The following TRHDE variants were observed in gnomAD, a reference collection of about 807,000 sequenced individuals.
TRHDE encodes thyrotropin-releasing hormone-degrading ectoenzyme.
In TRHDE, 72 loss-of-function variants were observed where a neutral mutation model predicts 125.7. The ratio of observed to expected loss-of-function variants is 0.57; its 90% CI spans 0.47 to 0.70. The LOEUF (loss-of-function observed/expected upper bound fraction) is 0.70. Ranked by LOEUF, TRHDE falls within the 30% of genes least tolerant of loss-of-function variation. The pLI is 0.00. For synonymous variants in TRHDE, 509 were observed against 509.1 expected (o/e 1.00, Z 0.00); for missense variants, 1,110 against 1,327.1 (o/e 0.84, Z 2.54).
Position 72,118,790 on chromosome 12 carries a change from G to A in TRHDE, n.279+13038G>A, listed in dbSNP as rs570770127. ...GGTTCAGTTTCAGTAGGTTGTATGT[G>A]TCTAGAAATCCATTTCTTCTAGGTT... On this transcript the variant is annotated intron_variant and non_coding_transcript_variant, in intron 2 of 4. Transcript: ENST00000548156. Among the ~76,000 whole-genome samples the A allele has an allele frequency of 2.0e-5, 3 of 152,158 alleles. No individual in the cohort carries two copies. In the South Asian group the frequency reaches 6.2e-4, roughly 32 times the overall value.
intron 2 of TRHDE, among the ~76,000 whole-genome samples, chr12:72,194,521 T>C (rs1157212512): frequency 6.6e-6 from 1 of 152,100 alleles, no homozygotes; most frequent in Non-Finnish European, 1.5e-5. Flanking sequence ...CCAATAGTTT[T>C]TCAAATCTTT....
intron 2 of TRHDE, among the ~76,000 whole-genome samples, chr12:72,313,655 A>G (rs1868653323): frequency 6.6e-6 from 1 of 152,226 alleles, no homozygotes; most frequent in African/African-American, 2.4e-5. Context: ...TAATCTTAAC[A>G]AAGTATGGAA....
At chr12:72,224,174 C>G (rs373716462) in intron 2 of TRHDE, among the ~76,000 whole-genome samples, 374 of 105,016 alleles carry the variant, frequency 3.6e-3, no homozygotes, top group South Asian at 9.6e-3. Flanking sequence ...ATGTATCTAT[C>G]TATCTATCTA....
At chr12:72,281,380 C>G (rs1218098818) in intron 1 of TRHDE, among the ~76,000 whole-genome samples, 2 of 152,124 alleles carry the variant, frequency 1.3e-5, no homozygotes, top group African/African-American at 4.8e-5. Flanking sequence ...TTAAATGGGA[C>G]ACGTGTAACT....
At chr12:72,541,854 T>G (rs963613579) in intron 6 of TRHDE, among the ~76,000 whole-genome samples, 1 of 151,480 alleles carries the variant, frequency 6.6e-6, no homozygotes, top group African/African-American at 2.4e-5. Flanking sequence ...TAAACTTTTC[T>G]TGGTTAAGGA....
At chr12:72,296,515 T>C (rs982831490) in intron 2 of TRHDE, among the ~76,000 whole-genome samples, 1 of 151,904 alleles carries the variant, frequency 6.6e-6, no homozygotes, top group African/African-American at 2.4e-5. Flanking sequence ...CTGAGTATTG[T>C]TGATTTGTTA....
At chr12:72,401,214 T>G (rs1873029924) in intron 3 of TRHDE, among the ~76,000 whole-genome samples, 1 of 152,166 alleles carries the variant, frequency 6.6e-6, no homozygotes, top group African/African-American at 2.4e-5. Context: ...CTTTCTCAAT[T>G]TCTCATTAAG....
At chr12:72,426,901 C>T (rs1055191387) in intron 3 of TRHDE, among the ~76,000 whole-genome samples, 2 of 151,880 alleles carry the variant, frequency 1.3e-5, no homozygotes, top group Non-Finnish European at 2.9e-5. Context: ...ACTTTTTTCT[C>T]CATGAAAAGA....
At chr12:72,141,215 G>A (rs1566242100) in intron 2 of TRHDE, among the ~76,000 whole-genome samples, 1 of 152,084 alleles carries the variant, frequency 6.6e-6, no homozygotes, top group South Asian at 2.1e-4. Flanking sequence ...TGAATAAAAT[G>A]CTATTTTTTT....
At chr12:72,539,096 C>T (rs981739256) in intron 6 of TRHDE, among the ~76,000 whole-genome samples, 9 of 151,862 alleles carry the variant, frequency 5.9e-5, no homozygotes, top group African/African-American at 2.2e-4. Context: ...TCATGGAACC[C>T]TTATCCATCC....
At chr12:72,549,568 A>C (rs1358341894) in intron 7 of TRHDE, among the ~76,000 whole-genome samples, 3 of 151,868 alleles carry the variant, frequency 2.0e-5, no homozygotes, top group Non-Finnish European at 4.4e-5. Flanking sequence ...TAATAACTTG[A>C]AAATAATTTG....
intron 2 of TRHDE, among the ~76,000 whole-genome samples, chr12:72,368,048 C>T (rs1715884689): frequency 6.6e-6 from 1 of 152,112 alleles, no homozygotes; most frequent in Non-Finnish European, 1.5e-5. Context: ...TGTGGTATAA[C>T]TATACACTGT....
Position 72,653,111 on chromosome 12 carries a change from T to G in TRHDE, c.2939T>G (p.Leu980Arg), listed in dbSNP as rs1180013059. 6.2e-7 allele frequency: 1 copy of G among 1,609,704 alleles called. No individual in the cohort carries two copies. Among genetic ancestry groups the G allele is most frequent in the Non-Finnish European group, 8.5e-7 (1 of 1,177,578 alleles). ...HVARNPHGRDLAWKFFRDKWK... is the reference protein window; with the variant it reads ...HVARNPHGRDRAWKFFRDKWK... ...GCTCGAAATCCACATGGTCGAGACCTTGCCTGGAAGTTTTTCAGGGATAAA... is the reference window on the plus strand; with the variant it reads ...GCTCGAAATCCACATGGTCGAGACCGTGCCTGGAAGTTTTTCAGGGATAAA... The change falls in exon 17 of 19, where the codon CTT becomes CGT. Residue 980 changes from leucine (L) to arginine (R), a missense_variant. Transcript: ENST00000261180.
At chr12:72,378,549 A>G (rs755404020) in intron 3 of TRHDE, among the ~76,000 whole-genome samples, 32 of 152,192 alleles carry the variant, frequency 2.1e-4, no homozygotes, top group Non-Finnish European at 3.8e-4. Flanking sequence ...ATTTCAAACT[A>G]GGTCTTGATG....
At chr12:72,146,339 C>T (rs1036872426) in intron 2 of TRHDE, among the ~76,000 whole-genome samples, 1 of 152,188 alleles carries the variant, frequency 6.6e-6, no homozygotes, top group Non-Finnish European at 1.5e-5. Flanking sequence ...AATCGTTTTT[C>T]CCCAAGTATG....
At chr12:72,271,922 C>T (rs1403094012), upstream of TRHDE, 3 of 456,478 alleles carry the variant, frequency 6.6e-6, no homozygotes, top group Non-Finnish European at 1.3e-5. Flanking sequence ...GGTCTGCAAC[C>T]TCCTGCCGTT....
rs1879364758 is a variant in TRHDE at position 72,273,767 on chromosome 12, CACCGG to C, written c.914+211_914+215del. 3 of 554,394 alleles carry C rather than the reference CACCGG, an allele frequency of 5.4e-6. No homozygotes were observed. The African/African-American group carries it at 5.6e-5, about 10-fold the overall frequency. 34.3% of individuals were successfully genotyped at this position (554,394 alleles called of 1,614,324 possible). Reference sequence around the variant, plus strand: ...CTGCCGCCAACTTCGCAAACTGACTCACCGGTGCCAAAAGATGAATGCTGCCCCCT... The same window carrying C: ...CTGCCGCCAACTTCGCAAACTGACTCTGCCAAAAGATGAATGCTGCCCCCT... On this transcript the variant is annotated intron_variant, in intron 1 of 18. Transcript: ENST00000261180. This position sits in a 1 kb window ranked among gnomAD's most constrained non-coding sequence, Gnocchi z 5.3.
At chr12:72,331,020 A>C (rs1555176918) in intron 2 of TRHDE, among the ~76,000 whole-genome samples, 1 of 152,174 alleles carries the variant, frequency 6.6e-6, no homozygotes, top group Non-Finnish European at 1.5e-5. Context: ...TTTGAAAACC[A>C]CTGCCGACAT....
chr12:72,117,907 T>C (rs771037647), intron 2 of TRHDE, among the ~76,000 whole-genome samples: 1 of 152,118 alleles, frequency 6.6e-6, no homozygotes, highest in Non-Finnish European at 1.5e-5. Context: ...CTGCTGACTT[T>C]AGTACGTTGA....
Sources: allele counts gnomAD v4.1 joint callset (sites outside exome capture counted in the v4.1 genomes callset), GRCh38; gene constraint gnomAD v4.1.1; non-coding constraint Gnocchi (gnomAD v3.1); transcripts MANE v1.5; gene names NCBI Gene and HGNC (gene_info 2026-07-23, HGNC 2026-07-21).